Variants in CCDC28B observed in about 807,000 individuals in gnomAD.
CCDC28B encodes the protein coiled-coil domain containing 28B.
CCDC28B carries 17 observed loss-of-function variants against 18.7 expected under a neutral mutation model. The observed-to-expected ratio is 0.91, with a 90% confidence interval of 0.62 to 1.36. CCDC28B has a LOEUF of 1.36. Ranked by LOEUF, CCDC28B falls within the 40% of genes most tolerant of loss-of-function variation. CCDC28B has a pLI of 0.00. For missense variants in CCDC28B, 213 were observed against 251.7 expected (o/e 0.85, Z 1.04); for synonymous variants, 116 against 105.1 (o/e 1.10, Z -0.64).
intron 4 of CCDC28B, 106 bp downstream of exon 4, chr1:32,204,485 G>A: frequency 6.6e-7 from 1 of 1,513,294 alleles, no homozygotes; most frequent in African/African-American, 1.4e-5. Context: ...GGGAGTGCAT[G>A]GATCCAAGAG....
At chr1:32,200,349 C>CTT (rs1174436867), upstream of CCDC28B, 1 of 152,416 alleles carries the variant, frequency 6.6e-6, no homozygotes, top group Non-Finnish European at 1.5e-5. Flanking sequence ...CTCACTCACT[C>CTT]TGTCTCTCCT....
chr1:32,200,516 G>A (rs1343425788), upstream of CCDC28B: 1 of 152,204 alleles, frequency 6.6e-6, no homozygotes, highest in Non-Finnish European at 1.5e-5. Flanking sequence ...GAGGTCGAGT[G>A]AGAGGAACTG....
Position 32,204,038 on chromosome 1 carries a change from G to C in CCDC28B, c.324G>C (p.Gln108His). The C allele has an allele frequency of 6.4e-7, 1 of 1,553,240 alleles. No homozygotes were observed. Among genetic ancestry groups the C allele is most frequent in the Non-Finnish European group, 8.7e-7 (1 of 1,149,794 alleles). ...LLNDFHSGRL[Q>H]AFGKECSFEQ... ...ATGATTTCCACTCTGGCCGGCTGCA[G>C]GCCTTCGGTGAGTCCTGGGGGCTGG... The change falls in exon 3 of 6, where the codon CAG becomes CAC. Residue 108 changes from glutamine to histidine, a missense_variant. Gln to His is a conservative substitution (Grantham distance 24). Coordinates refer to ENST00000373602, the MANE Select transcript of CCDC28B (RefSeq NM_024296.5).
upstream of CCDC28B, among the ~76,000 whole-genome samples, chr1:32,198,844 G>A (rs1643084092): frequency 6.6e-6 from 1 of 152,226 alleles, no homozygotes; most frequent in African/African-American, 2.4e-5. Context: ...GCAACTGAAG[G>A]TGTTTCAATA....
At chr1:32,198,425 T>G (rs911952555), upstream of CCDC28B, 1 of 152,298 alleles carries the variant, frequency 6.6e-6, no homozygotes, top group African/African-American at 2.4e-5. Context: ...CACAGTGTCT[T>G]TGAGCAGTCG....
At position 32,204,268 on chromosome 1, in the gene CCDC28B, G is replaced by T; in HGVS notation, c.414G>T (p.Val138=). Residue 138 remains valine, a synonymous_variant, in exon 4 of 6, where the codon GTG becomes GTT. Coordinates refer to ENST00000373602, the MANE Select transcript of CCDC28B (RefSeq NM_024296.5). ...CCCGGCTGCACTTCAGCCTGGATGT[G>T]TGTGGGGAGGAGGAGGACGATGAAG... The part of the protein sequence containing the change: ...KLARLHFSLD[V]CGEEEDDEEE... The T allele has an allele frequency of 6.2e-7, 1 of 1,614,138 alleles. No homozygotes were observed. The highest frequency in any genetic ancestry group is 8.5e-7 in the Non-Finnish European group (1 of 1,180,006).
chr1:32,204,710 C>A, intron 5 of CCDC28B, 90 bp downstream of exon 5: 1 of 1,614,124 alleles, frequency 6.2e-7, no homozygotes, highest in South Asian at 1.1e-5. Context: ...TCACACACAA[C>A]CAACTTCCCC....
intron 2 of CCDC28B, among the ~76,000 whole-genome samples, chr1:32,203,522 C>A (rs1426290447): frequency 6.6e-6 from 1 of 151,956 alleles, no homozygotes; most frequent in South Asian, 2.1e-4. Flanking sequence ...GCCCTGGTGG[C>A]AATAAGGGAG....
intron 1 of CCDC28B, 80 bp from the exon 2 acceptor site, chr1:32,201,833 C>T (rs1351886554): frequency 2.9e-5 from 36 of 1,258,504 alleles, no homozygotes; most frequent in Non-Finnish European, 3.5e-5. Context: ...AGGGCCCTTC[C>T]TTGGTGCAGC....
intron 1 of CCDC28B, 62 bp from the exon 2 acceptor site, chr1:32,201,851 G>C: frequency 7.1e-7 from 1 of 1,415,394 alleles, no homozygotes. Context: ...AGCTCTCAGG[G>C]ATTTCTGGGT....
At chr1:32,201,673 C>A (rs950577773) in intron 1 of CCDC28B, 3 of 335,636 alleles carry the variant, frequency 8.9e-6, no homozygotes, top group Non-Finnish European at 1.1e-5. Flanking sequence ...TGGTCCCACC[C>A]TTTCAGGAGG....
chr1:32,202,315 G>T, intron 2 of CCDC28B: 1 of 702,094 alleles, frequency 1.4e-6, no homozygotes. Flanking sequence ...ATAGCGTGAG[G>T]ATTCGCCTCA....
At chr1:32,203,408 G>A (rs1643202055) in intron 2 of CCDC28B, among the ~76,000 whole-genome samples, 1 of 151,868 alleles carries the variant, frequency 6.6e-6, no homozygotes, top group Non-Finnish European at 1.5e-5. Context: ...AGTGAGCCGA[G>A]ATCACACCAC....
chr1:32,199,791 C>G (rs1211880266), upstream of CCDC28B, among the ~76,000 whole-genome samples: 1 of 152,220 alleles, frequency 6.6e-6, no homozygotes, highest in Non-Finnish European at 1.5e-5. Context: ...GCCTGCTGAG[C>G]CGCCTGGCCA....
Position 32,204,011 on chromosome 1 carries a change from CA to C in CCDC28B, c.299del (p.Asn100MetfsTer30), listed in dbSNP as rs1643226039. On this transcript the variant is annotated frameshift_variant, in exon 3 of 6. Coordinates refer to ENST00000373602, the MANE Select transcript of CCDC28B (RefSeq NM_024296.5). LOFTEE classifies it high-confidence loss of function. ...EMEGGLLNLL[N>X]DFHSGRLQAF... ...TGGAGGGGGGACTCCTGAACCTGCTCAATGATTTCCACTCTGGCCGGCTGCA... is the reference window on the plus strand; with the variant it reads ...TGGAGGGGGGACTCCTGAACCTGCTCATGATTTCCACTCTGGCCGGCTGCA... 1.9e-6 allele frequency: 3 copies of C among 1,559,434 alleles called. No individual in the cohort carries two copies. The highest frequency in any genetic ancestry group is 1.2e-5 in the South Asian group (1 of 81,662).
At chr1:32,204,411 G>C (rs1426885070) in intron 4 of CCDC28B, 32 bp downstream of exon 4, 2 of 1,541,290 alleles carry the variant, frequency 1.3e-6, no homozygotes, top group Non-Finnish European at 1.7e-6. Context: ...TTGGTTCCTG[G>C]GGGCATGAGG....
chr1:32,202,205 T>C lies in CCDC28B; in HGVS notation c.164+106T>C, dbSNP rs990528177. On this transcript the variant is annotated intron_variant, in intron 2 of 5. Coordinates refer to ENST00000373602, the MANE Select transcript of CCDC28B (RefSeq NM_024296.5). ...CCTTTAGTTCCTAAGCAATAATTGA[T>C]GCCTTTCTGGAGCAGACCCCTGAGA... 3 of 1,387,816 alleles carry C rather than the reference T, an allele frequency of 2.2e-6. No homozygotes were observed. In the African/African-American group the frequency reaches 4.3e-5, roughly 20 times the overall value. 86.0% of individuals were successfully genotyped at this position (1,387,816 alleles called of 1,614,324 possible). A position where few individuals can be genotyped will look rare whatever the true frequency, so the allele number is the denominator to read the frequency against.
intron 1 of CCDC28B, chr1:32,201,598 C>T (rs1643148280): frequency 9.1e-6 from 2 of 219,028 alleles, no homozygotes; most frequent in East Asian, 2.1e-4. Flanking sequence ...ACTACATTTC[C>T]TCTGCCAGCC....
At chr1:32,204,955 T>G in intron 5 of CCDC28B, 2 of 1,380,466 alleles carry the variant, frequency 1.4e-6, no homozygotes, top group South Asian at 3.0e-5. Context: ...CACCTGGTCC[T>G]CAGTCAGAAA....
Sources: allele counts gnomAD v4.1 joint callset (sites outside exome capture counted in the v4.1 genomes callset), GRCh38; gene constraint gnomAD v4.1.1; transcripts MANE v1.5; gene names NCBI Gene and HGNC (gene_info 2026-07-23, HGNC 2026-07-21).